SPIN3: variants seen among roughly 807,000 people sequenced by gnomAD.
The protein encoded by SPIN3 is spindlin-3.
For synonymous variants in SPIN3, 74 were observed against 74.3 expected, an observed-to-expected ratio of 1.00 and a Z score of 0.02; for missense variants, 176 against 196.4, an observed-to-expected ratio of 0.90 and a Z score of 0.62.
Position 56,994,795 on chromosome X carries a change from G to A in SPIN3, c.153C>T (p.Gly51=), listed in dbSNP as rs375182117. Residue 51 remains glycine (G), a synonymous_variant, in exon 2 of 2, where the codon GGC becomes GGT. Transcript: ENST00000374919. The part of the protein sequence containing the change: ...PTSQPRGNIV[G]CRIQHGWKDG... Reference sequence around the variant, plus strand: ...CTTTCCATCCGTGCTGAATTCTGCAGCCCACGATGTTCCCCCGAGGCTGGG... The same window carrying A: ...CTTTCCATCCGTGCTGAATTCTGCAACCCACGATGTTCCCCCGAGGCTGGG... The A allele has an allele frequency of 3.4e-5, 41 of 1,209,991 alleles. No homozygotes were observed. In the African/African-American group the frequency reaches 5.6e-4, roughly 17 times the overall value.
chrX:56,992,571 C>A lies in SPIN3; in HGVS notation c.*1600G>T. On this transcript the variant is annotated 3_prime_UTR_variant, in exon 2 of 2. Coordinates refer to ENST00000374919, the MANE Select transcript of SPIN3 (RefSeq NM_001010862.3). ...GTGCCGGTAGTCTGGACTCCATGAC[C>A]TGTGAACTTAAACTAATTTGGAAGA... is the stretch of plus-strand genomic sequence containing the variant. 2 of 297,241 alleles carry A rather than the reference C, an allele frequency of 6.7e-6. No homozygotes were observed. Among genetic ancestry groups the A allele is most frequent in the Non-Finnish European group, 1.2e-5 (2 of 170,197 alleles). The allele number at this position is 297,241 out of a possible 1,213,427, so 24.5% of individuals were successfully genotyped here.
chrX:56,983,502 C>G (rs900421377), intron 3 of SPIN3, among the ~76,000 whole-genome samples: 1 of 112,428 alleles, frequency 8.9e-6, no homozygotes, highest in African/African-American at 3.2e-5. Flanking sequence ...TGATAGCATT[C>G]CAAATGTCTG....
downstream of SPIN3, among the ~76,000 whole-genome samples, chrX:56,987,142 C>T (rs762822680): frequency 9.0e-6 from 1 of 111,290 alleles, no homozygotes; most frequent in Admixed American, 9.6e-5. Context: ...AAAAAACAAA[C>T]AAACAAACAA....
At chrX:56,975,698 C>A (rs1923992064), downstream of SPIN3, 1 of 110,940 alleles carries the variant, frequency 9.0e-6, no homozygotes, top group Non-Finnish European at 1.9e-5. Flanking sequence ...AGAATGAAAG[C>A]CTGGGGTACG....
Position 56,994,362 on chromosome X carries a change from G to A in SPIN3, c.586C>T (p.Pro196Ser), listed in dbSNP as rs749769618. 12 of 1,211,627 alleles carry A rather than the reference G, an allele frequency of 9.9e-6. No individual in the cohort carries two copies. In the South Asian group the frequency reaches 1.9e-4, roughly 20 times the overall value. ...TCTCCTGGCTCCCTCTCTGCCAGAG[G>A]AGAATCATTGGAATCTTGAAGGATG... ...LRILQDSNDS[P>S]LAEREPGEVI... is the part of the protein sequence containing the mutation. Residue 196 changes from proline (P) to serine (S), a missense_variant, in exon 2 of 2, where the codon CCT (proline) becomes TCT (serine). Coordinates refer to ENST00000374919, the MANE Select transcript of SPIN3 (RefSeq NM_001010862.3).
At position 56,994,653 on chromosome X, in the gene SPIN3, G is replaced by C. The variant is rs769220636; in HGVS notation, c.295C>G (p.His99Asp). The change falls in exon 2 of 2, where the codon CAC becomes GAC. Residue 99 changes from histidine to aspartate, a missense_variant. Coordinates refer to ENST00000374919, the MANE Select transcript of SPIN3 (RefSeq NM_001010862.3). ...GFDCVYGLEL[H>D]RDERVSSLEV... ...AGTGATGACACTCTTTCATCTCTGT[G>C]AAGTTCCAATCCATAAACACAGTCA... 1.7e-6 allele frequency: 2 copies of C among 1,210,289 alleles called. No individual in the cohort carries two copies. Among genetic ancestry groups the C allele is most frequent in the Admixed American group, 4.4e-5 (2 of 45,812 alleles).
chrX:56,984,219 G>A (rs896239033), intron 3 of SPIN3: 11 of 183,194 alleles, frequency 6.0e-5, no homozygotes, highest in African/African-American at 3.3e-4. Flanking sequence ...TTTGCTTTCT[G>A]CCGTGTTATA....
At chrX:56,976,696 G>A (rs1924013314) in exon 6 of SPIN3, 1 of 111,577 alleles carries the variant, frequency 9.0e-6, no homozygotes, top group Non-Finnish European at 1.9e-5. Flanking sequence ...AGTTTTACCT[G>A]CCACTGAAAT....
chrX:56,977,773 C>G (rs1924036695), intron 5 of SPIN3: 1 of 110,825 alleles, frequency 9.0e-6, no homozygotes, highest in Non-Finnish European at 1.9e-5. Flanking sequence ...GGAAGTAGAA[C>G]TGGTGGTTTT....
downstream of SPIN3, among the ~76,000 whole-genome samples, chrX:56,988,720 C>T (rs1372296813): frequency 9.0e-6 from 1 of 111,170 alleles, no homozygotes; most frequent in African/African-American, 3.3e-5. Flanking sequence ...GCCTGTGGAC[C>T]CCACCCTAGA....
At chrX:56,986,708 T>G (rs1221231068), downstream of SPIN3, among the ~76,000 whole-genome samples, 1 of 112,754 alleles carries the variant, frequency 8.9e-6, no homozygotes. Context: ...TTCATTACAT[T>G]ACATGTGAGC....
chrX:56,988,802 G>C (rs762406016), downstream of SPIN3, among the ~76,000 whole-genome samples: 2 of 111,324 alleles, frequency 1.8e-5, no homozygotes, highest in Non-Finnish European at 3.8e-5. Context: ...GGTGATTCTG[G>C]TGTGTACTAA....
downstream of SPIN3, among the ~76,000 whole-genome samples, chrX:56,989,153 G>T (rs749199582): frequency 1.8e-5 from 2 of 111,488 alleles, no homozygotes; most frequent in Non-Finnish European, 3.8e-5. Context: ...AGTGTATATT[G>T]GGTATGTTGA....
At chrX:56,975,728 T>C (rs1198153353), downstream of SPIN3, 1 of 111,363 alleles carries the variant, frequency 9.0e-6, no homozygotes, top group Non-Finnish European at 1.9e-5. Flanking sequence ...TTACTGTTGG[T>C]TGGAACTCCA....
intron 3 of SPIN3, among the ~76,000 whole-genome samples, chrX:56,980,921 C>T (rs778587522): frequency 3.3e-4 from 36 of 109,628 alleles, no homozygotes; most frequent in African/African-American, 3.3e-4. Flanking sequence ...AGAACATTAC[C>T]GGCATTAAAA....
Position 56,994,100 on chromosome X carries a change from G to A in SPIN3, c.*71C>T, listed in dbSNP as rs1924421458. The A allele has an allele frequency of 9.6e-7, 1 of 1,038,213 alleles. No individual in the cohort carries two copies. Among genetic ancestry groups the A allele is most frequent in the Non-Finnish European group, 1.3e-6 (1 of 782,569 alleles). The allele number at this position is 1,038,213 out of a possible 1,213,427, so 85.6% of individuals were successfully genotyped here. Reference sequence around the variant, plus strand: ...AGGGAGAAGATGGTTCTTACAAACTGGAAAGCAATCAAGACTTTCTGTGTC... The same window carrying A: ...AGGGAGAAGATGGTTCTTACAAACTAGAAAGCAATCAAGACTTTCTGTGTC... On this transcript the variant is annotated 3_prime_UTR_variant, in exon 2 of 2. Transcript: ENST00000374919.
intron 3 of SPIN3, chrX:56,979,890 C>T (rs1043573242): frequency 8.9e-6 from 1 of 112,178 alleles, no homozygotes; most frequent in Non-Finnish European, 1.9e-5. Context: ...AAAATTAAGA[C>T]CTCGTTCATA....
chrX:56,978,162 T>C (rs1489492824), intron 5 of SPIN3: 1 of 111,735 alleles, frequency 8.9e-6, no homozygotes, highest in Non-Finnish European at 1.9e-5. Context: ...TGTGTGATTG[T>C]CTTTAATCAA....
downstream of SPIN3, among the ~76,000 whole-genome samples, chrX:56,990,536 T>C (rs1253811427): frequency 8.9e-6 from 1 of 112,307 alleles, no homozygotes; most frequent in Non-Finnish European, 1.9e-5. Context: ...TTCTGGTTTA[T>C]TAATTATATA....
Sources: gnomAD v4.1 joint callset for allele counts (sites outside exome capture counted in the v4.1 genomes callset) on GRCh38, gnomAD v4.1.1 for gene constraint, MANE v1.5 for transcripts, NCBI Gene and HGNC (gene_info 2026-07-23, HGNC 2026-07-21) for gene names.